The following PEX14 variants were observed in gnomAD, a reference collection of about 807,000 sequenced individuals.
PEX14 encodes peroxisomal biogenesis factor 14.
A neutral mutation model predicts 49.5 loss-of-function variants in PEX14; 15 were observed. The ratio of observed to expected loss-of-function variants is 0.30; its 90% CI spans 0.20 to 0.47. The LOEUF is 0.47. PEX14 is among the 20% of genes least tolerant of loss of function. The pLI is 1.00. For missense variants in PEX14, 398 were observed against 494.8 expected, an observed-to-expected ratio of 0.80 and a Z score of 1.86; for synonymous variants, 210 against 212.7, an observed-to-expected ratio of 0.99 and a Z score of 0.11.
At chr1:10,504,625 G>A (rs772404642) in intron 2 of PEX14, among the ~76,000 whole-genome samples, 53 of 152,350 alleles carry the variant, frequency 3.5e-4, no homozygotes, top group Middle Eastern at 6.8e-3. Flanking sequence ...CCCGTGGCAA[G>A]TGGGTCTTTA....
intron 4 of PEX14, among the ~76,000 whole-genome samples, chr1:10,610,608 C>T (rs1185955165): frequency 2.0e-5 from 3 of 152,024 alleles, no homozygotes; most frequent in Non-Finnish European, 4.4e-5. Context: ...GCCTCAGCCT[C>T]CCGAGTAGCT....
At chr1:10,481,900 T>A (rs1020161189) in intron 1 of PEX14, among the ~76,000 whole-genome samples, 17 of 151,176 alleles carry the variant, frequency 1.1e-4, no homozygotes, top group Admixed American at 4.0e-4. Flanking sequence ...TTCGGCTCAC[T>A]GCAAACTGCT....
intron 4 of PEX14, among the ~76,000 whole-genome samples, chr1:10,601,499 TG>T (rs2124606368): frequency 6.6e-6 from 1 of 152,286 alleles, no homozygotes; most frequent in South Asian, 2.1e-4. Flanking sequence ...TGGAATCTGC[TG>T]TCTGTGTTAC....
In PEX14 at chr1:10,509,142, G is replaced by C. The variant is rs55738036; in HGVS notation, c.84+13821G>C. ...TTTTTTTGTTGTTAGTAGAGATGGG[G>C]TTTCACCATGTCAGCCAGGATGGTC... is the stretch of plus-strand genomic sequence containing the variant. On this transcript the variant is annotated intron_variant, in intron 2 of 8. Transcript: ENST00000356607. 7.4e-3 allele frequency among the ~76,000 whole-genome samples: 1,123 copies of C among 152,176 alleles called. 9 individuals are homozygous for C. Among genetic ancestry groups the C allele is most frequent in the Non-Finnish European group, 0.012 (802 of 68,010 alleles).
chr1:10,520,148 C>CTTTTTTTTTTTGTTTT (rs1638232591), intron 2 of PEX14, among the ~76,000 whole-genome samples: 2 of 69,162 alleles, frequency 2.9e-5, no homozygotes, highest in Admixed American at 1.7e-4. Flanking sequence ...CCTTCTTCTT[C>CTTTTTTTTTTTGTTTT]TTTTTTTTTT....
chr1:10,504,872 C>T (rs550335129), intron 2 of PEX14, among the ~76,000 whole-genome samples: 3 of 151,992 alleles, frequency 2.0e-5, no homozygotes, highest in South Asian at 2.1e-4. Context: ...CTGCAACCTC[C>T]GCCTCCCAGG....
intron 4 of PEX14, among the ~76,000 whole-genome samples, chr1:10,605,816 C>A (rs1342792419): frequency 6.6e-6 from 1 of 152,152 alleles, no homozygotes; most frequent in Non-Finnish European, 1.5e-5. Context: ...GAAAGTATTT[C>A]TTTAATTTTG....
intron 1 of PEX14, among the ~76,000 whole-genome samples, chr1:10,486,518 C>G (rs1641370972): frequency 6.6e-6 from 1 of 151,390 alleles, no homozygotes; most frequent in Non-Finnish European, 1.5e-5. Flanking sequence ...TGTCTCTATA[C>G]AAATTTTTAA....
In PEX14 at chr1:10,512,905, G is replaced by A. The variant is rs765724554; in HGVS notation, c.84+17584G>A. ...GTAGAGATGAGGTTTCATCGTGTTA[G>A]CTGGGATGGTCTGGATCTCGTGACC... On this transcript the variant is annotated intron_variant, in intron 2 of 8. Transcript: ENST00000356607. The surrounding 1 kb of genome is among the most constrained non-coding windows in gnomAD (Gnocchi z 4.6). Among the ~76,000 whole-genome samples the A allele has an allele frequency of 1.2e-4, 19 of 152,206 alleles. No individual in the cohort carries two copies. The highest frequency in any genetic ancestry group is 4.6e-4 in the Admixed American group (7 of 15,288).
intron 3 of PEX14, among the ~76,000 whole-genome samples, chr1:10,545,208 A>G (rs1293156900): frequency 1.3e-5 from 2 of 152,168 alleles, no homozygotes; most frequent in Non-Finnish European, 2.9e-5. Flanking sequence ...TTATTGCTGA[A>G]TACTATTCCA....
intron 2 of PEX14, among the ~76,000 whole-genome samples, chr1:10,510,562 G>A (rs1641864424): frequency 6.6e-6 from 1 of 152,238 alleles, no homozygotes; most frequent in African/African-American, 2.4e-5. Flanking sequence ...AAGTAGGAAA[G>A]GAGTCCCTGT....
chr1:10,581,074 G>A (rs1015470696), intron 3 of PEX14, among the ~76,000 whole-genome samples: 5 of 151,984 alleles, frequency 3.3e-5, no homozygotes, highest in South Asian at 2.1e-4. Context: ...TGATATGAGC[G>A]ACAAAGGAAA....
chr1:10,491,763 C>T (rs954674307), intron 1 of PEX14, among the ~76,000 whole-genome samples: 1 of 144,306 alleles, frequency 6.9e-6, no homozygotes, highest in African/African-American at 2.6e-5. Context: ...TCACTGTAAC[C>T]TCCGCCTCCC....
chr1:10,491,118 C>T (rs758210337), intron 1 of PEX14, among the ~76,000 whole-genome samples: 7 of 151,280 alleles, frequency 4.6e-5, no homozygotes, highest in Non-Finnish European at 8.8e-5. Flanking sequence ...CTGCCTGCCT[C>T]GACCTCCCAA....
At chr1:10,531,533 G>C (rs1440004494) in intron 2 of PEX14, among the ~76,000 whole-genome samples, 1 of 152,092 alleles carries the variant, frequency 6.6e-6, no homozygotes, top group Non-Finnish European at 1.5e-5. Context: ...TCTGAGCAGC[G>C]CACGTGGAGC....
chr1:10,498,888 G>A (rs1641618054), intron 2 of PEX14, among the ~76,000 whole-genome samples: 1 of 152,208 alleles, frequency 6.6e-6, no homozygotes, highest in Admixed American at 6.5e-5. Flanking sequence ...CAGACCTCCA[G>A]CTTCTCCCAG....
rs146682320 is a variant in PEX14 at position 10,500,703 on chromosome 1, T to G, written c.84+5382T>G. Among the ~76,000 whole-genome samples, 893 of 152,220 alleles carry G rather than the reference T, an allele frequency of 5.9e-3. 6 individuals carry two copies. Among genetic ancestry groups the G allele is most frequent in the African/African-American group, 0.02 (843 of 41,524 alleles). ...GACTCTCTTGCCTTAGTCTCCTGAG[T>G]ATCTGGGACTATAGGCGTGCACCAC... On this transcript the variant is annotated intron_variant, in intron 2 of 8. Transcript: ENST00000356607.
chr1:10,628,115 T>G lies in PEX14; in HGVS notation c.677+752T>G, dbSNP rs976133657. ...CACTCCCGGCTAATTTTTGTATTTTTAGTAGAGGTGGGATTTTGCTATGTT... is the reference window on the plus strand; with the variant it reads ...CACTCCCGGCTAATTTTTGTATTTTGAGTAGAGGTGGGATTTTGCTATGTT... On this transcript the variant is annotated intron_variant, in intron 8 of 8. Transcript: ENST00000356607. This position sits in a 1 kb window ranked among gnomAD's most constrained non-coding sequence, Gnocchi z 4.5. Among the ~76,000 whole-genome samples, 1 of 152,192 alleles carries G rather than the reference T, an allele frequency of 6.6e-6. No individual in the cohort carries two copies. The highest frequency in any genetic ancestry group is 2.4e-5 in the African/African-American group (1 of 41,444).
At chr1:10,521,510 T>TA (rs1638294726) in intron 2 of PEX14, among the ~76,000 whole-genome samples, 1 of 152,246 alleles carries the variant, frequency 6.6e-6, no homozygotes, top group African/African-American at 2.4e-5. Context: ...AGATGAAAAG[T>TA]GTTACATAAA....
Sources: allele counts gnomAD v4.1 joint callset (sites outside exome capture counted in the v4.1 genomes callset), GRCh38; gene constraint gnomAD v4.1.1; non-coding constraint Gnocchi (gnomAD v3.1); transcripts MANE v1.5; gene names NCBI Gene and HGNC (gene_info 2026-07-23, HGNC 2026-07-21).